The following ARHGAP42 variants were observed in gnomAD, a reference collection of about 807,000 sequenced individuals.
ARHGAP42 encodes the protein Rho GTPase activating protein 42.
Under a neutral mutation model 125.0 loss-of-function variants are expected in ARHGAP42, and 63 were observed. The observed-to-expected ratio is 0.50, with a 90% CI of 0.41 to 0.62. The LOEUF (loss-of-function observed/expected upper bound fraction) is 0.62. Ranked by LOEUF, ARHGAP42 falls within the 20% of genes least tolerant of loss-of-function variation. The probability of loss-of-function intolerance (pLI) is 0.00; values close to 1 mark genes in which losing one functional copy is unlikely to be tolerated. For synonymous variants in ARHGAP42, 339 were observed against 351.0 expected (o/e 0.97, Z 0.38); for missense variants, 766 against 1,024.2 (o/e 0.75, Z 3.44).
chr11:100,709,453 C>T (rs972816115), intron 1 of ARHGAP42, among the ~76,000 whole-genome samples: 1 of 152,160 alleles, frequency 6.6e-6, no homozygotes, highest in African/African-American at 2.4e-5. Flanking sequence ...TGGGGTGATT[C>T]ATGACTCATG....
At chr11:100,753,972 A>G (rs1032997023) in intron 1 of ARHGAP42, among the ~76,000 whole-genome samples, 1 of 152,242 alleles carries the variant, frequency 6.6e-6, no homozygotes, top group Non-Finnish European at 1.5e-5. Flanking sequence ...GAAAAAAGTG[A>G]ACAGTGTGAA....
intron 4 of ARHGAP42, among the ~76,000 whole-genome samples, chr11:100,899,285 G>A (rs1866457700): frequency 6.6e-6 from 1 of 152,196 alleles, no homozygotes. Flanking sequence ...TTTAGAATAA[G>A]TGCAATCTGG....
At chr11:100,843,996 G>A (rs1274914756) in intron 3 of ARHGAP42, among the ~76,000 whole-genome samples, 1 of 151,974 alleles carries the variant, frequency 6.6e-6, no homozygotes, top group Non-Finnish European at 1.5e-5. Context: ...GCCAAAGCAA[G>A]ACTAAGCAAA....
intron 2 of ARHGAP42, among the ~76,000 whole-genome samples, chr11:100,779,894 C>T (rs985704880): frequency 3.3e-5 from 5 of 151,518 alleles, no homozygotes; most frequent in African/African-American, 1.2e-4. Flanking sequence ...GGCATGGTGG[C>T]GCGTGCCTGT....
chr11:100,883,524 G>A (rs1386167765), intron 4 of ARHGAP42, among the ~76,000 whole-genome samples: 3 of 151,948 alleles, frequency 2.0e-5, no homozygotes, highest in South Asian at 4.2e-4. Context: ...TGTATTTTTA[G>A]TAGAGATGGG....
At chr11:100,828,309 T>C (rs1450702568) in intron 3 of ARHGAP42, among the ~76,000 whole-genome samples, 3 of 152,044 alleles carry the variant, frequency 2.0e-5, no homozygotes, top group Non-Finnish European at 2.9e-5. Context: ...AGAACTCTTG[T>C]GGTTTTGCTT....
chr11:100,917,725 C>G (rs1867112010), intron 5 of ARHGAP42, among the ~76,000 whole-genome samples: 1 of 152,104 alleles, frequency 6.6e-6, no homozygotes. Context: ...GTGTGCATTA[C>G]CATGCCCAGC....
At chr11:100,891,120 G>A (rs1255415901) in intron 4 of ARHGAP42, among the ~76,000 whole-genome samples, 1 of 152,090 alleles carries the variant, frequency 6.6e-6, no homozygotes, top group Non-Finnish European at 1.5e-5. Context: ...ACGCAACCTT[G>A]AAAAAGGGAA....
At chr11:100,854,737 C>A (rs1415365915) in intron 3 of ARHGAP42, among the ~76,000 whole-genome samples, 1 of 151,924 alleles carries the variant, frequency 6.6e-6, no homozygotes, top group Admixed American at 6.6e-5. Context: ...GGGAGTGAAC[C>A]CCAGGCTAGC....
chr11:100,719,664 TTGTG>T (rs142657423), intron 1 of ARHGAP42, among the ~76,000 whole-genome samples: 2 of 151,658 alleles, frequency 1.3e-5, no homozygotes, highest in Non-Finnish European at 2.9e-5. Context: ...TTTTCTTTTA[TTGTG>T]TGTGTGTGTG....
rs1476587127 is a variant in ARHGAP42, at chr11:100,941,898, GT to G, written c.933+18del. On this transcript the variant is annotated intron_variant, in intron 9 of 23. Transcript: ENST00000298815. ...AGTGGGAAAATGGTGAGTTAGTTTT[GT>G]TTTCTGTTTGTTTTTTAAACTGTTC... 1 of 1,491,630 alleles carries G rather than the reference GT, an allele frequency of 6.7e-7. No homozygotes were observed. The highest frequency in any genetic ancestry group is 9.0e-7 in the Non-Finnish European group (1 of 1,108,876). The allele number at this position is 1,491,630 out of a possible 1,614,324, so 92.4% of individuals were successfully genotyped here.
intron 3 of ARHGAP42, among the ~76,000 whole-genome samples, chr11:100,813,542 A>G (rs930914892): frequency 3.3e-5 from 5 of 152,216 alleles, no homozygotes; most frequent in Admixed American, 1.3e-4. Flanking sequence ...GAAATCACCA[A>G]TGTATAGATG....
At chr11:100,842,563 G>A (rs974412534) in intron 3 of ARHGAP42, among the ~76,000 whole-genome samples, 2 of 152,070 alleles carry the variant, frequency 1.3e-5, no homozygotes, top group Non-Finnish European at 1.5e-5. Flanking sequence ...GAAGCATGGA[G>A]CAAAGTCTTC....
chr11:100,932,207 CAG>C (rs1867599048), intron 6 of ARHGAP42, among the ~76,000 whole-genome samples: 1 of 152,120 alleles, frequency 6.6e-6, no homozygotes, highest in African/African-American at 2.4e-5. Flanking sequence ...CCTACCCAGA[CAG>C]AGAAGGTGGC....
intron 10 of ARHGAP42, among the ~76,000 whole-genome samples, chr11:100,947,227 T>G (rs1344876795): frequency 1.3e-5 from 2 of 151,950 alleles, no homozygotes; most frequent in African/African-American, 4.8e-5. Flanking sequence ...TCTTTATGAG[T>G]TGAATTTTGT....
chr11:100,771,054 A>C (rs1421229927), intron 2 of ARHGAP42, among the ~76,000 whole-genome samples: 1 of 84,808 alleles, frequency 1.2e-5, no homozygotes, highest in Non-Finnish European at 2.4e-5. Flanking sequence ...CTGGTTTAAA[A>C]AATTATCTTC....
chr11:100,886,516 A>T (rs1259635456), intron 4 of ARHGAP42, among the ~76,000 whole-genome samples: 1 of 152,210 alleles, frequency 6.6e-6, no homozygotes, highest in African/African-American at 2.4e-5. Context: ...TCTTTGTTTG[A>T]AATTATCACA....
At position 100,830,826 on chromosome 11, in the gene ARHGAP42, T is replaced by C. The variant is rs775045719; in HGVS notation, c.313-28728T>C. Among the ~76,000 whole-genome samples, 14 of 152,158 alleles carry C rather than the reference T, an allele frequency of 9.2e-5. 1 individual carries two copies. Among genetic ancestry groups the C allele is most frequent in the Non-Finnish European group, 1.3e-4 (9 of 68,020 alleles). On this transcript the variant is annotated intron_variant, in intron 3 of 23. Coordinates refer to ENST00000298815, the MANE Select transcript of ARHGAP42 (RefSeq NM_152432.4). ...AATTTGTCAGCTCGGGCAAGGTCAA[T>C]AGCCTGCTTTGAGAAACCTTGGTGG...
At chr11:100,899,348 T>A (rs549331729) in intron 4 of ARHGAP42, among the ~76,000 whole-genome samples, 2 of 152,338 alleles carry the variant, frequency 1.3e-5, no homozygotes, top group South Asian at 4.1e-4. Context: ...TCTGGAGATG[T>A]CTATTGGGTC....
Sources: allele counts gnomAD v4.1 joint callset (sites outside exome capture counted in the v4.1 genomes callset), GRCh38; gene constraint gnomAD v4.1.1; transcripts MANE v1.5; gene names NCBI Gene and HGNC (gene_info 2026-07-23, HGNC 2026-07-21).